CTSK: variants seen among roughly 807,000 people sequenced by gnomAD.
The protein encoded by CTSK is cathepsin O.
Under a neutral mutation model 40.5 loss-of-function variants are expected in CTSK, and 26 were observed. That is an observed-to-expected ratio of 0.64 (90% CI 0.47 to 0.89). The LOEUF (loss-of-function observed/expected upper bound fraction) is 0.89, where lower values mean the gene tolerates loss of function less well. CTSK is among the 40% of genes least tolerant of loss of function. The pLI, the probability that CTSK is intolerant of heterozygous loss-of-function variation, is 0.00. For synonymous variants in CTSK, 132 were observed against 143.2 expected, an observed-to-expected ratio of 0.92 and a Z score of 0.56; for missense variants, 292 against 400.1, an observed-to-expected ratio of 0.73 and a Z score of 2.30.
chr1:150,804,192 C>A lies in CTSK; in HGVS notation c.447G>T (p.Glu149Asp). 1 of 1,614,210 alleles carries A rather than the reference C, an allele frequency of 6.2e-7. No individual in the cohort carries two copies. The highest frequency in any genetic ancestry group is 1.1e-5 in the South Asian group (1 of 91,080). Residue 149 changes from glutamate (E) to aspartate (D), a missense_variant, in exon 5 of 8, where the codon GAG becomes GAT. Glu to Asp is a conservative substitution (Grantham distance 45, BLOSUM62 2). Coordinates refer to ENST00000271651, the MANE Select transcript of CTSK (RefSeq NM_000396.4). ...CWAFSSVGAL[E>D]GQLKKKTGKL... is the part of the protein sequence containing the mutation. ...TGCCAGTTTTCTTCTTGAGTTGGCC[C>A]TCCAGGGCACCCACAGAGCTAAAAG... is the stretch of plus-strand genomic sequence containing the variant.
rs961337211 is a variant in CTSK, at chr1:150,796,519, G to T, written c.*280C>A. ...TGTACCTGTACAGCATCAGCCCTGG[G>T]ACAACACAGTCAGGGGCAGGCTGTA... On this transcript the variant is annotated 3_prime_UTR_variant, in exon 8 of 8. Coordinates refer to ENST00000271651, the MANE Select transcript of CTSK (RefSeq NM_000396.4). 3.6e-6 allele frequency: 2 copies of T among 554,078 alleles called. No homozygotes were observed. The highest frequency in any genetic ancestry group is 6.1e-5 in the Admixed American group (2 of 32,764). The allele number at this position is 554,078 out of a possible 1,614,324, so 34.3% of individuals were successfully genotyped here.
intron 5 of CTSK, among the ~76,000 whole-genome samples, chr1:150,802,963 C>A (rs1158001868): frequency 6.6e-6 from 1 of 152,056 alleles, no homozygotes; most frequent in African/African-American, 2.4e-5. Context: ...AGAAGAAATG[C>A]AAATGGCCAG....
chr1:150,807,534 T>C (rs1021345463), intron 1 of CTSK: 1 of 356,798 alleles, frequency 2.8e-6, no homozygotes, highest in Admixed American at 3.8e-5. Context: ...AAAAACCCAC[T>C]GTGGCTGCCG....
In CTSK at chr1:150,806,343, G is replaced by A. The variant is rs928459024; in HGVS notation, c.121-119C>T. 2.6e-5 allele frequency: 30 copies of A among 1,174,914 alleles called. No individual in the cohort carries two copies. In the South Asian group the frequency reaches 3.0e-4, roughly 12 times the overall value. The allele number at this position is 1,174,914 out of a possible 1,614,324, so 72.8% of individuals were successfully genotyped here. A position where few individuals can be genotyped will look rare whatever the true frequency, so the allele number is the denominator to read the frequency against. On this transcript the variant is annotated intron_variant, in intron 2 of 7. Transcript: ENST00000271651. ...CATAAAAGTTTACAGTTTAGTTGGG[G>A]AACTAACCATGGAATTAAGAGCCTG...
At chr1:150,797,006 TG>T in intron 7 of CTSK, 108 bp from the exon 8 acceptor site, 2 of 823,930 alleles carry the variant, frequency 2.4e-6, no homozygotes, top group Non-Finnish European at 4.2e-6. Context: ...ATGAATATGA[TG>T]TTTTTTAACT....
In CTSK at chr1:150,804,185, G is replaced by A. The variant is rs1654044239; in HGVS notation, c.454C>T (p.Leu152Phe). 6.2e-7 allele frequency: 1 copy of A among 1,614,150 alleles called. No individual in the cohort carries two copies. The highest frequency in any genetic ancestry group is 1.6e-4 in the Middle Eastern group (1 of 6,062). ...AAGAGTTTGCCAGTTTTCTTCTTGA[G>A]TTGGCCCTCCAGGGCACCCACAGAG... is the stretch of plus-strand genomic sequence containing the variant. ...FSSVGALEGQ[L>F]KKKTGKLLNL... The change falls in exon 5 of 8, where the codon CTC becomes TTC. Residue 152 changes from leucine to phenylalanine, a missense_variant. Transcript: ENST00000271651.
chr1:150,805,507 C>G (rs1003324627), intron 4 of CTSK, among the ~76,000 whole-genome samples: 10 of 151,482 alleles, frequency 6.6e-5, no homozygotes, highest in South Asian at 2.1e-4. Context: ...GGCGTAGTGG[C>G]GCGTGCCTGT....
At chr1:150,803,960 A>G (rs1654038855) in intron 5 of CTSK, 61 bp downstream of exon 5, 1 of 1,378,910 alleles carries the variant, frequency 7.3e-7, no homozygotes, top group South Asian at 1.2e-5. Context: ...TTCCAGTACA[A>G]AACATCATGC....
At chr1:150,807,401 T>C (rs1654131064) in intron 1 of CTSK, 1 of 470,948 alleles carries the variant, frequency 2.1e-6, no homozygotes, top group Non-Finnish European at 4.4e-6. Flanking sequence ...AGACATTGTA[T>C]ATCTCCTCAT....
At chr1:150,797,025 G>C in intron 7 of CTSK, 127 bp from the exon 8 acceptor site, 2 of 749,018 alleles carry the variant, frequency 2.7e-6, no homozygotes, top group Non-Finnish European at 4.7e-6. Context: ...ACTTTAAAGA[G>C]TTTAAAGTCA....
At chr1:150,801,402 A>G (rs1403971660) in intron 5 of CTSK, among the ~76,000 whole-genome samples, 1 of 152,000 alleles carries the variant, frequency 6.6e-6, no homozygotes, top group African/African-American at 2.4e-5. Context: ...TATAGGTGTG[A>G]GCCACCGTAC....
intron 7 of CTSK, 76 bp from the exon 8 acceptor site, chr1:150,796,974 G>A (rs973865523): frequency 3.9e-6 from 4 of 1,037,240 alleles, no homozygotes; most frequent in African/African-American, 1.6e-5. Flanking sequence ...AGTATTGTGC[G>A]AGGTACTGAT....
chr1:150,807,376 G>A, intron 1 of CTSK: 1 of 471,188 alleles, frequency 2.1e-6, no homozygotes, highest in Non-Finnish European at 4.4e-6. Flanking sequence ...ATAGGACAAT[G>A]TTTCCTGTTT....
At chr1:150,802,188 G>C (rs1571125181) in intron 5 of CTSK, among the ~76,000 whole-genome samples, 1 of 149,954 alleles carries the variant, frequency 6.7e-6, no homozygotes, top group Non-Finnish European at 1.5e-5. Context: ...TGAGGCAGGA[G>C]AATTGCTTGA....
intron 1 of CTSK, chr1:150,807,268 C>T (rs1296078403): frequency 2.1e-6 from 1 of 472,154 alleles, no homozygotes; most frequent in Admixed American, 2.3e-5. Flanking sequence ...AGATTTCCGT[C>T]TAAGTTTTGC....
chr1:150,806,264 AG>A (rs1654091733), intron 2 of CTSK, 40 bp from the exon 3 acceptor site: 2 of 1,606,024 alleles, frequency 1.2e-6, no homozygotes, highest in Non-Finnish European at 1.7e-6. Context: ...GACTGTCTAC[AG>A]TTACATATGT....
chr1:150,799,925 G>A (rs1347222699), intron 5 of CTSK, among the ~76,000 whole-genome samples: 4 of 152,114 alleles, frequency 2.6e-5, no homozygotes, highest in Admixed American at 6.6e-5. Context: ...GGCCAGGTGC[G>A]GTGGCTCATG....
intron 5 of CTSK, among the ~76,000 whole-genome samples, chr1:150,801,291 G>T (rs754784896): frequency 6.6e-6 from 1 of 151,666 alleles, no homozygotes; most frequent in Non-Finnish European, 1.5e-5. Flanking sequence ...GCTAATTTTT[G>T]TATTTTTAGT....
rs139692370 is a variant in CTSK, at chr1:150,804,321, T to C, written c.400-82A>G. 2.6e-4 allele frequency: 302 copies of C among 1,154,210 alleles called. 1 individual carries two copies. Among genetic ancestry groups the C allele is most frequent in the Admixed American group, 2.8e-4 (15 of 52,656 alleles). The allele number at this position is 1,154,210 out of a possible 1,614,324, so 71.5% of individuals were successfully genotyped here. A position where few individuals can be genotyped will look rare whatever the true frequency, so the allele number is the denominator to read the frequency against. Reference sequence around the variant, plus strand: ...TCTCTACCTGCCTGAAGAAATTCCATGTGTTCTAAAAATTTCAGCACAAAT... The same window carrying C: ...TCTCTACCTGCCTGAAGAAATTCCACGTGTTCTAAAAATTTCAGCACAAAT... On this transcript the variant is annotated intron_variant, in intron 4 of 7. Coordinates refer to ENST00000271651, the MANE Select transcript of CTSK (RefSeq NM_000396.4).
Sources: gnomAD v4.1 joint callset for allele counts (sites outside exome capture counted in the v4.1 genomes callset) on GRCh38, gnomAD v4.1.1 for gene constraint, MANE v1.5 for transcripts, NCBI Gene and HGNC (gene_info 2026-07-23, HGNC 2026-07-21) for gene names.